EBF2: variants seen among roughly 807,000 people sequenced by gnomAD.
EBF2 encodes the protein EBF transcription factor 2.
A neutral mutation model predicts 72.8 loss-of-function variants in EBF2; 21 were observed. The observed-to-expected ratio is 0.29, with a 90% CI of 0.20 to 0.42. EBF2 has a LOEUF of 0.42. EBF2 is among the 10% of genes least tolerant of loss of function. The pLI, the probability that EBF2 is intolerant of heterozygous loss-of-function variation, is 1.00. For synonymous variants in EBF2, 299 were observed against 274.2 expected, an observed-to-expected ratio of 1.09 and a Z score of -0.89; for missense variants, 637 against 731.2, an observed-to-expected ratio of 0.87 and a Z score of 1.49.
At chr8:25,957,100 C>T (rs371857931) in intron 6 of EBF2, among the ~76,000 whole-genome samples, 2 of 152,196 alleles carry the variant, frequency 1.3e-5, no homozygotes, top group East Asian at 3.9e-4. Context: ...AAAGCACCCA[C>T]TTTTACTGTT....
intron 7 of EBF2, among the ~76,000 whole-genome samples, chr8:25,896,698 C>A (rs564401629): frequency 8.2e-4 from 125 of 152,282 alleles, no homozygotes; most frequent in Non-Finnish European, 1.3e-3. Flanking sequence ...AGACTTCTGG[C>A]TATGGCGAGC....
At chr8:25,932,889 TA>T (rs1679285601) in intron 6 of EBF2, among the ~76,000 whole-genome samples, 1 of 152,046 alleles carries the variant, frequency 6.6e-6, no homozygotes, top group African/African-American at 2.4e-5. Flanking sequence ...GACCTGGTAA[TA>T]TTTTTTTTAA....
At chr8:25,984,186 T>C (rs1035905953) in intron 6 of EBF2, among the ~76,000 whole-genome samples, 1 of 152,078 alleles carries the variant, frequency 6.6e-6, no homozygotes, top group African/African-American at 2.4e-5. Context: ...GTCTCCCAAA[T>C]TTGGGAAGAT....
At chr8:25,975,136 C>G (rs764958107) in intron 6 of EBF2, among the ~76,000 whole-genome samples, 23 of 152,308 alleles carry the variant, frequency 1.5e-4, no homozygotes, top group Non-Finnish European at 2.9e-4. Context: ...TGAAACTTCA[C>G]ATCCTGGCCT....
intron 7 of EBF2, among the ~76,000 whole-genome samples, chr8:25,891,188 G>A (rs915166922): frequency 1.3e-5 from 2 of 152,134 alleles, no homozygotes; most frequent in East Asian, 1.9e-4. Flanking sequence ...TCGAGCTCCA[G>A]CATATGTACT....
chr8:25,850,340 T>C (rs895282713), intron 15 of EBF2, among the ~76,000 whole-genome samples: 4 of 152,170 alleles, frequency 2.6e-5, no homozygotes, highest in Non-Finnish European at 5.9e-5. Context: ...CTCAAACTCC[T>C]GACCTCCAAG....
At chr8:25,856,135 ATTTTCATTCATC>A (rs1285327287) in intron 14 of EBF2, among the ~76,000 whole-genome samples, 1 of 152,098 alleles carries the variant, frequency 6.6e-6, no homozygotes, top group Non-Finnish European at 1.5e-5. Flanking sequence ...CTAACTGTGC[ATTTTCATTCATC>A]TTTTTTTCCT....
chr8:25,878,616 A>G (rs984604404), intron 10 of EBF2, among the ~76,000 whole-genome samples: 14 of 152,206 alleles, frequency 9.2e-5, no homozygotes, highest in Admixed American at 9.2e-4. Context: ...CCACCAACCC[A>G]AGTGGTACTT....
At chr8:26,008,408 C>T (rs867184894) in intron 6 of EBF2, among the ~76,000 whole-genome samples, 13 of 152,068 alleles carry the variant, frequency 8.5e-5, no homozygotes, top group South Asian at 2.1e-4. Flanking sequence ...GGTCATGTTC[C>T]GTGCCCATTA....
chr8:25,903,187 GTTTT>G (rs542446501), intron 7 of EBF2, among the ~76,000 whole-genome samples: 1 of 132,526 alleles, frequency 7.5e-6, no homozygotes, highest in Non-Finnish European at 1.6e-5. Flanking sequence ...TTTTGTCTGG[GTTTT>G]TTTTTTTTTT....
At chr8:25,899,856 CCACCCTG>C (rs916933660) in intron 7 of EBF2, among the ~76,000 whole-genome samples, 14 of 87,148 alleles carry the variant, frequency 1.6e-4, no homozygotes, top group Non-Finnish European at 4.3e-4. Context: ...CATGATCCAA[CCACCCTG>C]TGGACGCCAG....
At chr8:25,998,472 G>A (rs756459213) in intron 6 of EBF2, among the ~76,000 whole-genome samples, 21 of 152,314 alleles carry the variant, frequency 1.4e-4, no homozygotes, top group Admixed American at 2.0e-4. Flanking sequence ...TGAAGCAAGT[G>A]CATTTTCGGT....
At chr8:25,962,884 G>A (rs577543495) in intron 6 of EBF2, among the ~76,000 whole-genome samples, 42 of 152,238 alleles carry the variant, frequency 2.8e-4, no homozygotes, top group African/African-American at 1.0e-3. Flanking sequence ...TTGTCTCTTG[G>A]CCCAGGGAAT....
chr8:25,900,337 T>C lies in EBF2; in HGVS notation c.633+8137A>G, dbSNP rs954074892. Among the ~76,000 whole-genome samples the C allele has an allele frequency of 4.6e-5, 7 of 152,152 alleles. No individual in the cohort carries two copies. In the East Asian group the frequency reaches 1.2e-3, roughly 25 times the overall value. ...TGGTTTTTTGTGTTGCATGCACCTG[T>C]AGTCCCAGCTACTTGGGAGATTGAA... On this transcript the variant is annotated intron_variant, in intron 7 of 15. Transcript: ENST00000520164.
chr8:26,028,097 A>T (rs1163080150), intron 6 of EBF2, among the ~76,000 whole-genome samples: 1 of 152,246 alleles, frequency 6.6e-6, no homozygotes, highest in African/African-American at 2.4e-5. Context: ...CTACACACTT[A>T]AAATGGCTAA....
chr8:25,881,562 G>A (rs973608536), intron 10 of EBF2, among the ~76,000 whole-genome samples: 2 of 152,180 alleles, frequency 1.3e-5, no homozygotes, highest in Admixed American at 6.5e-5. Context: ...AGGGAAGGGC[G>A]TGGTACCTTT....
chr8:25,881,566 T>G (rs1802605719), intron 10 of EBF2, among the ~76,000 whole-genome samples: 1 of 152,132 alleles, frequency 6.6e-6, no homozygotes, highest in Non-Finnish European at 1.5e-5. Flanking sequence ...AAGGGCGTGG[T>G]ACCTTTAAAT....
intron 6 of EBF2, 133 bp from the exon 7 acceptor site, chr8:25,908,688 G>A: frequency 1.5e-6 from 1 of 665,780 alleles, no homozygotes; most frequent in Non-Finnish European, 2.6e-6. Flanking sequence ...CCCTGCCTGT[G>A]AAGGAACACT....
At chr8:25,995,030 G>A (rs1563202588) in intron 6 of EBF2, among the ~76,000 whole-genome samples, 1 of 152,184 alleles carries the variant, frequency 6.6e-6, no homozygotes, top group Non-Finnish European at 1.5e-5. Context: ...TATACAGTAG[G>A]CGTGGTGGCT....
Sources: allele counts gnomAD v4.1 joint callset (sites outside exome capture counted in the v4.1 genomes callset), GRCh38; gene constraint gnomAD v4.1.1; transcripts MANE v1.5; gene names NCBI Gene and HGNC (gene_info 2026-07-23, HGNC 2026-07-21).